MTX3: variants seen among roughly 807,000 people sequenced by gnomAD.
MTX3 encodes metaxin 3.
Under a neutral mutation model 42.5 loss-of-function variants are expected in MTX3, and 27 were observed. That is an observed-to-expected ratio of 0.64 (90% CI 0.47 to 0.88). The LOEUF (loss-of-function observed/expected upper bound fraction) is 0.88, where lower values mean the gene tolerates loss of function less well. Ranked by LOEUF, MTX3 falls within the 40% of genes least tolerant of loss-of-function variation. The probability of loss-of-function intolerance (pLI) is 0.00; values close to 1 mark genes in which losing one functional copy is unlikely to be tolerated. For missense variants in MTX3, 378 were observed against 367.0 expected (o/e 1.03, Z -0.25); for synonymous variants, 144 against 132.9 (o/e 1.08, Z -0.57).
At chr5:79,987,198 G>C in intron 6 of MTX3, 91 bp from the exon 7 acceptor site, 1 of 1,189,302 alleles carries the variant, frequency 8.4e-7, no homozygotes, top group Non-Finnish European at 1.2e-6. Flanking sequence ...CCAGTACTTT[G>C]GGAGATCAAG....
In MTX3 at chr5:79,976,778, C is replaced by A. The variant is rs561018046; in HGVS notation, c.*6906G>T. 6 of 152,600 alleles carry A rather than the reference C, an allele frequency of 3.9e-5. No individual in the cohort carries two copies. The South Asian group carries it at 1.2e-3, about 32-fold the overall frequency. The allele number at this position is 152,600 out of a possible 1,614,324, so 9.5% of individuals were successfully genotyped here. On this transcript the variant is annotated 3_prime_UTR_variant, in exon 9 of 9. Coordinates refer to ENST00000512528, the MANE Select transcript of MTX3 (RefSeq NM_001363818.2). ...AAAATAGCTATTTTGACATTATATC[C>A]AGTTTCTCATTTATCAGAATAAATT... is the stretch of plus-strand genomic sequence containing the variant.
chr5:79,991,164 C>T lies in MTX3; in HGVS notation c.75G>A (p.Val25=), dbSNP rs892062666. The T allele has an allele frequency of 3.9e-6, 6 of 1,538,234 alleles. No individual in the cohort carries two copies. Among genetic ancestry groups the T allele is most frequent in the Middle Eastern group, 1.7e-4 (1 of 5,892 alleles). Reference sequence around the variant, plus strand: ...GCCCGCGAGGCGGCCTCACCATCACCACCAGGGACTCGCTGTGAACCGATG... The same window carrying T: ...GCCCGCGAGGCGGCCTCACCATCACTACCAGGGACTCGCTGTGAACCGATG... ...GLPSVHSESL[V]VMAYAKFSGA... Residue 25 remains valine (V), a synonymous_variant, in exon 1 of 9, where the codon GTG becomes GTA. Coordinates refer to ENST00000512528, the MANE Select transcript of MTX3 (RefSeq NM_001363818.2).
intron 1 of MTX3, chr5:79,990,879 G>A (rs1831637306): frequency 1.4e-6 from 1 of 708,834 alleles, no homozygotes; most frequent in Non-Finnish European, 2.6e-6. Context: ...AGTAGGGAGG[G>A]CGCGCCCCTT....
At chr5:79,987,374 A>C (rs1831519342) in intron 6 of MTX3, among the ~76,000 whole-genome samples, 1 of 145,226 alleles carries the variant, frequency 6.9e-6, no homozygotes. Flanking sequence ...CAGGAGGCGG[A>C]GGTTGCAATG....
chr5:79,977,988 C>T lies in MTX3; in HGVS notation c.*5696G>A, dbSNP rs1831291266. ...GGAACTGGGTAGTCTGCTGAAACCA[C>T]CAGTTCAGCAGACCCTTGTACAGCT... On this transcript the variant is annotated 3_prime_UTR_variant, in exon 9 of 9. Transcript: ENST00000512528. 6.6e-6 allele frequency: 1 copy of T among 152,184 alleles called. No homozygotes were observed. The highest frequency in any genetic ancestry group is 1.5e-5 in the Non-Finnish European group (1 of 68,046). 9.4% of individuals were successfully genotyped at this position (152,184 alleles called of 1,614,324 possible).
At position 79,978,601 on chromosome 5, in the gene MTX3, AAAC is replaced by A. The variant is rs1831307558; in HGVS notation, c.*5080_*5082del. Reference sequence around the variant, plus strand: ...CCAAGACTCCGTCTCAAGAAAACAAAAACAAGAAATCCATATTAAAATAAATTA... The same window carrying A: ...CCAAGACTCCGTCTCAAGAAAACAAAAAGAAATCCATATTAAAATAAATTA... On this transcript the variant is annotated 3_prime_UTR_variant, in exon 9 of 9. Coordinates refer to ENST00000512528, the MANE Select transcript of MTX3 (RefSeq NM_001363818.2). The A allele has an allele frequency of 6.6e-6, 1 of 152,236 alleles. No individual in the cohort carries two copies. The highest frequency in any genetic ancestry group is 2.1e-4 in the South Asian group (1 of 4,824). The allele number at this position is 152,236 out of a possible 1,614,324, so 9.4% of individuals were successfully genotyped here. A position where few individuals can be genotyped will look rare whatever the true frequency, so the allele number is the denominator to read the frequency against.
intron 7 of MTX3, 32 bp from the exon 8 acceptor site, chr5:79,985,691 C>G: frequency 6.5e-7 from 1 of 1,532,556 alleles, no homozygotes; most frequent in Non-Finnish European, 9.0e-7. Context: ...CAGAGAAAGA[C>G]AGGAAATTTT....
chr5:79,988,648 C>A lies in MTX3; in HGVS notation c.322-4G>T, dbSNP rs1307310861. 7 of 1,562,872 alleles carry A rather than the reference C, an allele frequency of 4.5e-6. No homozygotes were observed. The Admixed American group carries it at 5.9e-5, about 13-fold the overall frequency. On this transcript the variant is annotated splice_polypyrimidine_tract_variant and splice_region_variant and intron_variant, in intron 4 of 8. Coordinates refer to ENST00000512528, the MANE Select transcript of MTX3 (RefSeq NM_001363818.2). ...TCTCAACCCAGAATGTGTGAAGCTG[C>A]AAAAGAAGAGAAAAAACACTACAAG... is the stretch of plus-strand genomic sequence containing the variant.
At chr5:79,984,833 CAAG>C (rs1272915509) in intron 8 of MTX3, among the ~76,000 whole-genome samples, 1 of 151,616 alleles carries the variant, frequency 6.6e-6, no homozygotes, top group African/African-American at 2.4e-5. Flanking sequence ...CAGAGAAGAA[CAAG>C]AAGGAGAAAA....
chr5:79,991,098 A>G lies in MTX3; in HGVS notation c.81+60T>C, dbSNP rs778453938. On this transcript the variant is annotated intron_variant, in intron 1 of 8. Coordinates refer to ENST00000512528, the MANE Select transcript of MTX3 (RefSeq NM_001363818.2). The stretch of plus-strand genomic sequence containing the variant: ...GCGCAGCGGGAAACTGGGGCAAGTC[A>G]GCCTGGCGCCTCCAGCCCCGCCCCT... The G allele has an allele frequency of 3.3e-5, 48 of 1,474,150 alleles. 1 individual carries two copies. The African/African-American group carries it at 5.2e-4, about 16-fold the overall frequency. The allele number at this position is 1,474,150 out of a possible 1,614,324, so 91.3% of individuals were successfully genotyped here.
chr5:79,990,473 A>G (rs1831615041), intron 2 of MTX3, 121 bp downstream of exon 2: 1 of 737,914 alleles, frequency 1.4e-6, no homozygotes, highest in South Asian at 2.0e-5. Context: ...CATAAACAAC[A>G]CAGAGCCAAG....
chr5:79,982,439 A>G lies in MTX3; in HGVS notation c.*1245T>C, dbSNP rs1342900926. 1 of 456,560 alleles carries G rather than the reference A, an allele frequency of 2.2e-6. No individual in the cohort carries two copies. 28.3% of individuals were successfully genotyped at this position (456,560 alleles called of 1,614,324 possible). A position where few individuals can be genotyped will look rare whatever the true frequency, so the allele number is the denominator to read the frequency against. On this transcript the variant is annotated 3_prime_UTR_variant, in exon 9 of 9. Transcript: ENST00000512528. Reference sequence around the variant, plus strand: ...GACTTGATAAGATTTGCTGAGCACCACAGTAATCTTTTAAGACACTAATCA... The same window carrying G: ...GACTTGATAAGATTTGCTGAGCACCGCAGTAATCTTTTAAGACACTAATCA...
chr5:79,987,008 G>T lies in MTX3; in HGVS notation c.681C>A (p.Ser227=). The change falls in exon 7 of 9, where the codon TCC becomes TCA. Residue 227 remains serine, a synonymous_variant. Coordinates refer to ENST00000512528, the MANE Select transcript of MTX3 (RefSeq NM_001363818.2). ...TGTCATCACAAAAGCGACAGAGGTT[G>T]GAGAGCTGTTTCAGATGTTCTTGTA... ...VQLQEHLKQL[S]NLCRFCDDIL... is the part of the protein sequence containing the mutation. 1 of 1,613,960 alleles carries T rather than the reference G, an allele frequency of 6.2e-7. No homozygotes were observed. Among genetic ancestry groups the T allele is most frequent in the East Asian group, 2.2e-5 (1 of 44,880 alleles).
Position 79,990,843 on chromosome 5 carries a change from C to A in MTX3, c.82-180G>T, listed in dbSNP as rs1482086482. The A allele has an allele frequency of 4.2e-6, 3 of 719,884 alleles. No individual in the cohort carries two copies. The Admixed American group carries it at 6.0e-5, about 14-fold the overall frequency. The allele number at this position is 719,884 out of a possible 1,614,324, so 44.6% of individuals were successfully genotyped here. A position where few individuals can be genotyped will look rare whatever the true frequency, so the allele number is the denominator to read the frequency against. On this transcript the variant is annotated intron_variant, in intron 1 of 8. Coordinates refer to ENST00000512528, the MANE Select transcript of MTX3 (RefSeq NM_001363818.2). ...AGCCACCCGGCTTTCGAGGACTTTG[C>A]TCCCCAAAAGGTCCTGGGGATGCAG...
In MTX3 at chr5:79,991,199, A is replaced by G; in HGVS notation, c.40T>C (p.Trp14Arg). The G allele has an allele frequency of 6.7e-7, 1 of 1,486,376 alleles. No individual in the cohort carries two copies. Among genetic ancestry groups the G allele is most frequent in the Non-Finnish European group, 9.0e-7 (1 of 1,111,802 alleles). The allele number at this position is 1,486,376 out of a possible 1,614,324, so 92.1% of individuals were successfully genotyped here. A position where few individuals can be genotyped will look rare whatever the true frequency, so the allele number is the denominator to read the frequency against. ...TCGCTGTGAACCGATGGGAGTCCCC[A>G]GCCGCCTCCCCAGCAACTGAGTTCC... is the stretch of plus-strand genomic sequence containing the variant. Reference protein sequence around the residue: ...PLELSCWGGGWGLPSVHSESL... With the variant: ...PLELSCWGGGRGLPSVHSESL... Residue 14 changes from tryptophan (W) to arginine (R), a missense_variant, in exon 1 of 9, where the codon TGG becomes CGG. Transcript: ENST00000512528.
In MTX3 at chr5:79,978,459, A is replaced by G; in HGVS notation, c.*5225T>C. ...ACAAAAATTAGCTGGGCGTGGTGGC[A>G]GGTGCCTGTAATCCCAGTAAATTGG... On this transcript the variant is annotated 3_prime_UTR_variant, in exon 9 of 9. Coordinates refer to ENST00000512528, the MANE Select transcript of MTX3 (RefSeq NM_001363818.2). The G allele has an allele frequency of 6.6e-6, 1 of 152,508 alleles. No homozygotes were observed. Among genetic ancestry groups the G allele is most frequent in the Non-Finnish European group, 1.5e-5 (1 of 68,222 alleles). 9.4% of individuals were successfully genotyped at this position (152,508 alleles called of 1,614,324 possible).
chr5:79,976,839 A>G lies in MTX3; in HGVS notation c.*6845T>C, dbSNP rs1580877328. 6.5e-6 allele frequency: 1 copy of G among 152,760 alleles called. No homozygotes were observed. The highest frequency in any genetic ancestry group is 2.4e-5 in the African/African-American group (1 of 41,584). The allele number at this position is 152,760 out of a possible 1,614,324, so 9.5% of individuals were successfully genotyped here. A position where few individuals can be genotyped will look rare whatever the true frequency, so the allele number is the denominator to read the frequency against. The stretch of plus-strand genomic sequence containing the variant: ...TTGATCACCATCACCACTTTAGTGT[A>G]TTTGTACATAGTCTCTGAGTAAAAT... On this transcript the variant is annotated 3_prime_UTR_variant, in exon 9 of 9. Transcript: ENST00000512528.
rs1831271149 is a variant in MTX3, at chr5:79,977,257, A to G, written c.*6427T>C. 6.6e-6 allele frequency: 1 copy of G among 152,368 alleles called. No individual in the cohort carries two copies. The highest frequency in any genetic ancestry group is 2.4e-5 in the African/African-American group (1 of 41,588). 9.4% of individuals were successfully genotyped at this position (152,368 alleles called of 1,614,324 possible). The stretch of plus-strand genomic sequence containing the variant: ...TCCTCCTAGAGAGAAGGAAGCCAGA[A>G]CTTCAGAAGTAGCCAGTGGTCCAAA... On this transcript the variant is annotated 3_prime_UTR_variant, in exon 9 of 9. Coordinates refer to ENST00000512528, the MANE Select transcript of MTX3 (RefSeq NM_001363818.2).
At chr5:79,990,568 G>A (rs1198569539) in intron 2 of MTX3, 26 bp downstream of exon 2, 2 of 1,425,254 alleles carry the variant, frequency 1.4e-6, no homozygotes, top group Admixed American at 2.1e-5. Flanking sequence ...AGTGCAGAAA[G>A]GGGAGTGTAA....
Sources: gnomAD v4.1 joint callset for allele counts (sites outside exome capture counted in the v4.1 genomes callset) on GRCh38, gnomAD v4.1.1 for gene constraint, MANE v1.5 for transcripts, NCBI Gene and HGNC (gene_info 2026-07-23, HGNC 2026-07-21) for gene names.